The following AATK variants were observed in gnomAD, a reference collection of about 807,000 sequenced individuals.
AATK encodes the protein serine/threonine-protein kinase LMTK1.
A neutral mutation model predicts 114.3 loss-of-function variants in AATK; 91 were observed. The observed-to-expected ratio is 0.80, with a 90% confidence interval of 0.67 to 0.95. AATK has a LOEUF of 0.95. Among genes scored for constraint, AATK ranks in the 40% least tolerant of loss-of-function variants. AATK has a pLI of 0.00. For missense variants in AATK, 2,176 were observed against 1,965.2 expected, an observed-to-expected ratio of 1.11 and a Z score of -2.03; for synonymous variants, 1,075 against 916.5, an observed-to-expected ratio of 1.17 and a Z score of -3.12.
chr17:81,119,174 CAGG>C (rs2146274901), intron 13 of AATK, among the ~76,000 whole-genome samples: 1 of 141,946 alleles, frequency 7.0e-6, no homozygotes, highest in Non-Finnish European at 1.6e-5. Context: ...AGGTGAGGGT[CAGG>C]TGAGGGTCAG....
intron 13 of AATK, among the ~76,000 whole-genome samples, chr17:81,119,117 C>G (rs1300107148): frequency 5.4e-5 from 8 of 148,712 alleles, no homozygotes; most frequent in African/African-American, 2.0e-4. Context: ...AGAGGAGAGC[C>G]GAGTGCAGGG....
At position 81,118,300 on chromosome 17, in the gene AATK, A is replaced by G. The variant is rs1048019362; in HGVS notation, c.*102T>C. On this transcript the variant is annotated 3_prime_UTR_variant, in exon 14 of 14. Transcript: ENST00000326724. The stretch of plus-strand genomic sequence containing the variant: ...AGAGGCACCTGAATCTGCTGCCAAC[A>G]GCCACCAGGACGTGGTCCCCACCTT... 3 of 1,270,234 alleles carry G rather than the reference A, an allele frequency of 2.4e-6. No homozygotes were observed. Among genetic ancestry groups the G allele is most frequent in the Middle Eastern group, 2.0e-4 (1 of 4,916 alleles). 78.7% of individuals were successfully genotyped at this position (1,270,234 alleles called of 1,614,324 possible).
At chr17:81,136,934 G>T (rs547184345) in intron 1 of AATK, among the ~76,000 whole-genome samples, 19 of 152,240 alleles carry the variant, frequency 1.2e-4, no homozygotes, top group African/African-American at 4.6e-4. Context: ...GCGGCTGTCC[G>T]AAGCTCCAGA....
rs1300173428 is a variant in AATK at position 81,119,475 on chromosome 17, G to GCGGGCA, written c.3988_3989insTGCCCG (p.Thr1330delinsMetProAla). ...CGTGAAGCGCGAGAAGGGAGCGGGC[G>GCGGGCA]TGGGCGTGGGCGCAGCCGGGGCGGG... On this transcript the variant is annotated protein_altering_variant, in exon 13 of 14. Coordinates refer to ENST00000326724, the MANE Select transcript of AATK (RefSeq NM_001080395.3). 2 of 1,516,046 alleles carry GCGGGCA rather than the reference G, an allele frequency of 1.3e-6. No individual in the cohort carries two copies. Among genetic ancestry groups the GCGGGCA allele is most frequent in the African/African-American group, 2.9e-5 (2 of 68,582 alleles). 93.9% of individuals were successfully genotyped at this position (1,516,046 alleles called of 1,614,324 possible).
In AATK at chr17:81,120,854, G is replaced by A; in HGVS notation, c.3082C>T (p.Pro1028Ser). Residue 1028 changes from proline to serine, a missense_variant, in exon 11 of 14, where the codon CCG becomes TCG. Around this residue, in one of 4 missense-constraint regions of AATK, gnomAD observed 1,701 missense variants for 1,394.7 expected, o/e 1.22. Coordinates refer to ENST00000326724, the MANE Select transcript of AATK (RefSeq NM_001080395.3). ...TGCTCAGACGGCTGCCCAGTGCTCG[G>A]CAGGCCCAGCTCTGGCCCGGGGGCT... ...DRAPGPELGL[P>S]STGQPSEQVC... is the part of the protein sequence containing the mutation. The A allele has an allele frequency of 6.3e-7, 1 of 1,578,426 alleles. No homozygotes were observed. Among genetic ancestry groups the A allele is most frequent in the Non-Finnish European group, 8.6e-7 (1 of 1,162,438 alleles).
Position 81,127,824 on chromosome 17 carries a change from C to T in AATK, c.501G>A (p.Gln167=), listed in dbSNP as rs1246426127. The change falls in exon 5 of 14, where the codon CAG becomes CAA. Residue 167 remains glutamine, a synonymous_variant. Coordinates refer to ENST00000326724, the MANE Select transcript of AATK (RefSeq NM_001080395.3). ...ELQASASVQE[Q]MQFLEEVQPY... ...GCTGCACCTCCTCCAGGAACTGCATCTGCTCCTGCACGCTGGCACTAGCCT... is the reference window on the plus strand; with the variant it reads ...GCTGCACCTCCTCCAGGAACTGCATTTGCTCCTGCACGCTGGCACTAGCCT... 1.3e-6 allele frequency: 2 copies of T among 1,539,274 alleles called. No homozygotes were observed. The highest frequency in any genetic ancestry group is 1.2e-5 in the South Asian group (1 of 83,772).
At chr17:81,134,139 G>A (rs1487717675) in intron 2 of AATK, among the ~76,000 whole-genome samples, 3 of 152,142 alleles carry the variant, frequency 2.0e-5, no homozygotes, top group South Asian at 2.1e-4. Context: ...GTCAGACCAC[G>A]CCCCCCACAG....
At chr17:81,156,099 T>C (rs780876629) in intron 1 of AATK, among the ~76,000 whole-genome samples, 22,938 of 149,086 alleles carry the variant, frequency 0.15, 2,726 homozygotes, top group African/African-American at 0.32. Flanking sequence ...TGTTACAATG[T>C]ATGTTACAAT....
rs898975080 is a variant in AATK, at chr17:81,118,129, C to T, written c.*273G>A. ...CCCCTTTTGAGTGTGTATGTGTGTA[C>T]AGACACCCACTGTGGCTCCAGGCGC... is the stretch of plus-strand genomic sequence containing the variant. On this transcript the variant is annotated 3_prime_UTR_variant, in exon 14 of 14. Transcript: ENST00000326724. The T allele has an allele frequency of 1.4e-5, 7 of 515,110 alleles. No homozygotes were observed. The highest frequency in any genetic ancestry group is 2.1e-5 in the Non-Finnish European group (6 of 284,980). 31.9% of individuals were successfully genotyped at this position (515,110 alleles called of 1,614,324 possible).
rs1246285800 is a variant in AATK, at chr17:81,118,139, CTG to C, written c.*261_*262del. On this transcript the variant is annotated 3_prime_UTR_variant, in exon 14 of 14. Coordinates refer to ENST00000326724, the MANE Select transcript of AATK (RefSeq NM_001080395.3). ...GTGTGTATGTGTGTACAGACACCCA[CTG>C]TGGCTCCAGGCGCCCCCAGGGGCTA... 4 of 532,786 alleles carry C rather than the reference CTG, an allele frequency of 7.5e-6. No individual in the cohort carries two copies. Among genetic ancestry groups the C allele is most frequent in the Non-Finnish European group, 1.4e-5 (4 of 295,676 alleles). The allele number at this position is 532,786 out of a possible 1,614,324, so 33.0% of individuals were successfully genotyped here.
chr17:81,140,905 G>A (rs1457883632), intron 1 of AATK, among the ~76,000 whole-genome samples: 3 of 98,520 alleles, frequency 3.0e-5, no homozygotes, highest in Admixed American at 2.7e-4. Context: ...TGTGAGCCGT[G>A]GGGCCGTGGG....
intron 1 of AATK, among the ~76,000 whole-genome samples, chr17:81,139,088 G>A (rs2061083434): frequency 6.6e-6 from 1 of 152,178 alleles, no homozygotes; most frequent in Non-Finnish European, 1.5e-5. Flanking sequence ...ATGCACACAT[G>A]TGCACACACA....
intron 1 of AATK, among the ~76,000 whole-genome samples, chr17:81,136,758 G>A (rs2061016355): frequency 6.6e-6 from 1 of 152,204 alleles, no homozygotes; most frequent in Non-Finnish European, 1.5e-5. Context: ...CCTGAAGGTG[G>A]ATGTGTAGGG....
intron 1 of AATK, among the ~76,000 whole-genome samples, chr17:81,138,746 C>A (rs1164031655): frequency 6.6e-6 from 1 of 150,930 alleles, no homozygotes; most frequent in African/African-American, 2.4e-5. Context: ...CACACAGATA[C>A]CAACACGCGC....
At chr17:81,157,762 G>C (rs1416647574) in intron 1 of AATK, among the ~76,000 whole-genome samples, 1 of 152,348 alleles carries the variant, frequency 6.6e-6, no homozygotes, top group Non-Finnish European at 1.5e-5. Context: ...TTCCCCAGGA[G>C]GCTGATCCCT....
chr17:81,143,896 G>A (rs1203602642), intron 1 of AATK, among the ~76,000 whole-genome samples: 1 of 152,248 alleles, frequency 6.6e-6, no homozygotes, highest in Non-Finnish European at 1.5e-5. Context: ...CCACATGCTA[G>A]CTCAGTCTGA....
At chr17:81,125,322 C>T in intron 7 of AATK, 1 of 720,056 alleles carries the variant, frequency 1.4e-6, no homozygotes, top group Non-Finnish European at 2.6e-6. Context: ...CCGGAACCCA[C>T]CCGGACCGGT....
rs370038265 is a variant in AATK at position 81,120,480 on chromosome 17, C to T, written c.3456G>A (p.Ala1152=). 7.3e-4 allele frequency: 1,116 copies of T among 1,520,742 alleles called. No homozygotes were observed. Among genetic ancestry groups the T allele is most frequent in the Non-Finnish European group, 9.0e-4 (1,015 of 1,130,860 alleles). The allele number at this position is 1,520,742 out of a possible 1,614,324, so 94.2% of individuals were successfully genotyped here. ...CCTCCTCCGGCCGGCCCTCCAAGGC[C>T]GCAGGGAGGCCGGGCAGAGCCAGGC... is the stretch of plus-strand genomic sequence containing the variant. The part of the protein sequence containing the change: ...PLRLALPGLP[A]ALEGRPEEEE... The change falls in exon 11 of 14, where the codon GCG becomes GCA. Residue 1152 remains alanine, a synonymous_variant. Transcript: ENST00000326724.
intron 7 of AATK, among the ~76,000 whole-genome samples, chr17:81,125,654 G>A (rs2060803723): frequency 6.6e-6 from 1 of 152,152 alleles, no homozygotes; most frequent in African/African-American, 2.4e-5. Context: ...GAGGCACAGG[G>A]TACTGGGTAG....
Sources: gnomAD v4.1 joint callset for allele counts (sites outside exome capture counted in the v4.1 genomes callset) on GRCh38, gnomAD v4.1.1 for gene constraint, gnomAD v4.1.1 regional missense constraint, MANE v1.5 for transcripts, NCBI Gene and HGNC (gene_info 2026-07-23, HGNC 2026-07-21) for gene names.